The following CSMD1 variants were observed in gnomAD, a reference collection of about 807,000 sequenced individuals.
The protein encoded by CSMD1 is CUB and sushi domain-containing protein 1.
In CSMD1, 213 loss-of-function variants were observed where a neutral mutation model predicts 417.5. The observed-to-expected ratio is 0.51, with a 90% CI of 0.46 to 0.57. The LOEUF is 0.57. Ranked by LOEUF, CSMD1 falls within the 20% of genes least tolerant of loss-of-function variation. The pLI, the probability that CSMD1 is intolerant of heterozygous loss-of-function variation, is 0.00. For missense variants in CSMD1, 6,923 were observed against 4,529.7 expected, an observed-to-expected ratio of 1.53 and a Z score of -15.17; for synonymous variants, 2,862 against 1,736.8, an observed-to-expected ratio of 1.65 and a Z score of -16.11.
chr8:4,242,988 G>C (rs1390717124), intron 3 of CSMD1, among the ~76,000 whole-genome samples: 1 of 152,112 alleles, frequency 6.6e-6, no homozygotes, highest in African/African-American at 2.4e-5. Flanking sequence ...TGTAGTGAAG[G>C]CACTAACTTG....
intron 49 of CSMD1, among the ~76,000 whole-genome samples, chr8:3,082,353 T>G (rs1377457526): frequency 6.6e-6 from 1 of 152,170 alleles, no homozygotes. Context: ...CAGCTGAGAT[T>G]TCCTATGGGC....
intron 2 of CSMD1, among the ~76,000 whole-genome samples, chr8:4,455,024 G>C (rs928173500): frequency 6.6e-6 from 1 of 152,068 alleles, no homozygotes; most frequent in Non-Finnish European, 1.5e-5. Context: ...CAGTGTGTCA[G>C]TCCGCTGTCA....
In CSMD1 at chr8:3,943,348, C is replaced by T. The variant is rs1468561794; in HGVS notation, c.818+54555G>A. Among the ~76,000 whole-genome samples, 6 of 142,378 alleles carry T rather than the reference C, an allele frequency of 4.2e-5. No individual in the cohort carries two copies. The Admixed American group carries it at 4.3e-4, about 10-fold the overall frequency. 93.4% of individuals were successfully genotyped at this position (142,378 alleles called of 152,430 possible). A position where few individuals can be genotyped will look rare whatever the true frequency, so the allele number is the denominator to read the frequency against. Reference sequence around the variant, plus strand: ...GTGAAGTATTCTTGTAGTGAGTGAACTCAATTTTGTTAAAAAAAAAAAAGT... The same window carrying T: ...GTGAAGTATTCTTGTAGTGAGTGAATTCAATTTTGTTAAAAAAAAAAAAGT... On this transcript the variant is annotated intron_variant, in intron 5 of 69. Coordinates refer to ENST00000635120, the MANE Select transcript of CSMD1 (RefSeq NM_033225.6).
At chr8:4,063,572 C>G (rs556472655) in intron 3 of CSMD1, among the ~76,000 whole-genome samples, 1 of 152,244 alleles carries the variant, frequency 6.6e-6, no homozygotes, top group South Asian at 2.1e-4. Context: ...TTAATTTAAG[C>G]AATATTCCTT....
chr8:3,146,223 T>C (rs1339342646), intron 40 of CSMD1, among the ~76,000 whole-genome samples: 1 of 152,108 alleles, frequency 6.6e-6, no homozygotes, highest in Non-Finnish European at 1.5e-5. Context: ...AAAGCTTCAT[T>C]GCATTTCTGT....
intron 3 of CSMD1, among the ~76,000 whole-genome samples, chr8:4,264,465 T>A (rs1585122850): frequency 2.0e-5 from 3 of 152,252 alleles, no homozygotes; most frequent in Admixed American, 2.0e-4. Flanking sequence ...AATTTGCAGA[T>A]CACAATTCTC....
chr8:4,501,620 T>C (rs1802261992), intron 2 of CSMD1, among the ~76,000 whole-genome samples: 1 of 152,168 alleles, frequency 6.6e-6, no homozygotes, highest in Non-Finnish European at 1.5e-5. Flanking sequence ...AAGTTTTAAA[T>C]TGCTAGCTGT....
At chr8:2,983,663 G>C (rs1483776327) in intron 54 of CSMD1, among the ~76,000 whole-genome samples, 1 of 151,952 alleles carries the variant, frequency 6.6e-6, no homozygotes, top group Non-Finnish European at 1.5e-5. Flanking sequence ...CCAAAGTAAA[G>C]CACTTCCCAG....
intron 2 of CSMD1, among the ~76,000 whole-genome samples, chr8:4,561,553 G>A (rs59655462): frequency 0.046 from 7,026 of 152,164 alleles, 482 homozygotes; most frequent in African/African-American, 0.16. Flanking sequence ...ATGGTGGCAT[G>A]CACCAGTAGC....
chr8:3,840,652 A>G (rs896357411), intron 5 of CSMD1, among the ~76,000 whole-genome samples: 59 of 151,012 alleles, frequency 3.9e-4, no homozygotes, highest in African/African-American at 1.2e-3. Flanking sequence ...AGTGTATAGG[A>G]TATTGAGGTC....
chr8:4,172,657 A>G (rs1797831557), intron 3 of CSMD1, among the ~76,000 whole-genome samples: 1 of 152,214 alleles, frequency 6.6e-6, no homozygotes, highest in Non-Finnish European at 1.5e-5. Context: ...CCTCCCTTAA[A>G]TATGGGCTGG....
At chr8:3,202,193 A>C (rs1797027876) in intron 31 of CSMD1, among the ~76,000 whole-genome samples, 1 of 152,278 alleles carries the variant, frequency 6.6e-6, no homozygotes, top group East Asian at 1.9e-4. Context: ...ATCTGTAAAG[A>C]CTTCCCTATA....
intron 1 of CSMD1, among the ~76,000 whole-genome samples, chr8:4,845,427 A>C (rs1801085533): frequency 6.6e-6 from 1 of 152,214 alleles, no homozygotes; most frequent in Non-Finnish European, 1.5e-5. Context: ...TGAGAACTTG[A>C]ATCAACCAAT....
chr8:4,946,986 A>G (rs1808412951), intron 1 of CSMD1, among the ~76,000 whole-genome samples: 1 of 152,206 alleles, frequency 6.6e-6, no homozygotes, highest in Non-Finnish European at 1.5e-5. Flanking sequence ...TCAGTAATCA[A>G]TGTCTGTAAT....
chr8:3,427,215 T>C lies in CSMD1; in HGVS notation c.1562-17610A>G, dbSNP rs191255317. On this transcript the variant is annotated intron_variant, in intron 12 of 69. Transcript: ENST00000635120. ...GCCAAACTATATCACTGAATAAGCA[T>C]AACAAGAACTGGTCAGATTTTATTT... 1.7e-3 allele frequency among the ~76,000 whole-genome samples: 264 copies of C among 152,256 alleles called. 1 individual carries two copies. Among genetic ancestry groups the C allele is most frequent in the Non-Finnish European group, 1.4e-3 (98 of 68,012 alleles).
At chr8:3,386,301 T>C (rs1250856081) in intron 18 of CSMD1, among the ~76,000 whole-genome samples, 1 of 152,160 alleles carries the variant, frequency 6.6e-6, no homozygotes, top group Non-Finnish European at 1.5e-5. Context: ...TGCACCTCTT[T>C]CTCAGCCTGC....
At chr8:4,841,889 C>A (rs1202963803) in intron 1 of CSMD1, among the ~76,000 whole-genome samples, 2 of 38,990 alleles carry the variant, frequency 5.1e-5, no homozygotes, top group African/African-American at 1.7e-4. Context: ...CTAGCCGGGG[C>A]AACAAGAGCA....
intron 7 of CSMD1, among the ~76,000 whole-genome samples, chr8:3,629,870 C>G (rs1173804729): frequency 6.6e-6 from 1 of 152,182 alleles, no homozygotes; most frequent in Non-Finnish European, 1.5e-5. Flanking sequence ...ACTAGTTGTA[C>G]AGGAAATCGT....
chr8:3,378,840 A>G (rs1810468656), intron 18 of CSMD1, among the ~76,000 whole-genome samples: 2 of 152,220 alleles, frequency 1.3e-5, no homozygotes. Flanking sequence ...CTGGCAAAAG[A>G]CAAGGATGCC....
Sources: allele counts gnomAD v4.1 joint callset (sites outside exome capture counted in the v4.1 genomes callset), GRCh38; gene constraint gnomAD v4.1.1; transcripts MANE v1.5; gene names NCBI Gene and HGNC (gene_info 2026-07-23, HGNC 2026-07-21).